The following CCDC191 variants were observed in gnomAD, a reference collection of about 807,000 sequenced individuals.
The protein encoded by CCDC191 is coiled-coil domain containing 191, also known as coiled-coil domain-containing protein 191.
Under a neutral mutation model 114.0 loss-of-function variants are expected in CCDC191, and 99 were observed. The observed-to-expected ratio is 0.87, with a 90% CI of 0.74 to 1.03. The LOEUF (loss-of-function observed/expected upper bound fraction) is 1.03. Ranked by LOEUF, CCDC191 falls within the 50% of genes least tolerant of loss-of-function variation. CCDC191 has a pLI of 0.00. For synonymous variants in CCDC191, 351 were observed against 376.0 expected (o/e 0.93, Z 0.77); for missense variants, 973 against 1,087.0 (o/e 0.90, Z 1.47).
chr3:113,998,030 G>A (rs2075767134), intron 13 of CCDC191, among the ~76,000 whole-genome samples: 1 of 151,892 alleles, frequency 6.6e-6, no homozygotes, highest in African/African-American at 2.4e-5. Context: ...AGTTGGCTGG[G>A]CGTGGTGGCT....
intron 7 of CCDC191, among the ~76,000 whole-genome samples, 197 bp from the exon 8 acceptor site, chr3:114,019,065 G>A (rs1468479459): frequency 1.3e-5 from 2 of 152,172 alleles, no homozygotes; most frequent in Non-Finnish European, 2.9e-5. Flanking sequence ...TCATGCAAAT[G>A]AGGCATTCTC....
At chr3:113,982,277 C>A (rs2075182636) in intron 13 of CCDC191, among the ~76,000 whole-genome samples, 3 of 152,270 alleles carry the variant, frequency 2.0e-5, no homozygotes, top group African/African-American at 7.2e-5. Context: ...AACATGAGTT[C>A]TGCTTGAGTC....
intron 16 of CCDC191, among the ~76,000 whole-genome samples, chr3:113,972,465 T>A (rs1314417536): frequency 6.6e-6 from 1 of 152,172 alleles, no homozygotes; most frequent in Non-Finnish European, 1.5e-5. Context: ...GTTTTTTGAA[T>A]TTGTTGAGAG....
At chr3:114,023,485 A>G (rs1196874879) in intron 7 of CCDC191, among the ~76,000 whole-genome samples, 4 of 152,224 alleles carry the variant, frequency 2.6e-5, no homozygotes, top group Non-Finnish European at 4.4e-5. Flanking sequence ...CCAAAACAGC[A>G]TGGTACTGGT....
At chr3:113,998,119 C>T (rs549393255) in intron 13 of CCDC191, among the ~76,000 whole-genome samples, 85 of 151,698 alleles carry the variant, frequency 5.6e-4, no homozygotes, top group East Asian at 2.0e-4. Flanking sequence ...TAGCCTGACC[C>T]ACATAGAGAA....
At chr3:113,978,746 CT>C in intron 15 of CCDC191, 111 bp downstream of exon 15, 1 of 1,178,790 alleles carries the variant, frequency 8.5e-7, no homozygotes. Context: ...ATTGACTACT[CT>C]TTTGTTCTTG....
intron 6 of CCDC191, among the ~76,000 whole-genome samples, chr3:114,032,376 G>A (rs2076418602): frequency 6.6e-6 from 1 of 151,866 alleles, no homozygotes; most frequent in Middle Eastern, 3.4e-3. Flanking sequence ...CCTCTTTTTT[G>A]CCCACCTATC....
chr3:113,975,288 T>C (rs182828544), intron 16 of CCDC191, among the ~76,000 whole-genome samples: 14 of 152,332 alleles, frequency 9.2e-5, no homozygotes, highest in Admixed American at 7.8e-4. Context: ...TCTTTCTCGA[T>C]GTTATTGCAG....
At position 114,056,441 on chromosome 3, in the gene CCDC191, G is replaced by T. The variant is rs1164290692; in HGVS notation, c.26C>A (p.Ser9Tyr). 1 of 1,614,126 alleles carries T rather than the reference G, an allele frequency of 6.2e-7. No homozygotes were observed. The highest frequency in any genetic ancestry group is 8.5e-7 in the Non-Finnish European group (1 of 1,180,028). ...CAGCCCCATCCTTTTCTTTGAGAAG[G>T]ACCTTCCCTGAGGCGCCAGGAGCAT... Reference protein sequence around the residue: MLLAPQGRSFSKKRMGLNR... With the variant: MLLAPQGRYFSKKRMGLNR... The change falls in exon 1 of 17, where the codon TCC (serine) becomes TAC (tyrosine). Residue 9 changes from serine to tyrosine, a missense_variant. By Grantham distance (144) the Ser-to-Tyr change is moderately radical. Coordinates refer to ENST00000295878, the MANE Select transcript of CCDC191 (RefSeq NM_020817.2).
intron 1 of CCDC191, 75 bp downstream of exon 1, chr3:114,056,302 G>A (rs1056354825): frequency 1.8e-5 from 25 of 1,410,752 alleles, no homozygotes; most frequent in Admixed American, 1.7e-5. Context: ...AAGCACAGAC[G>A]GGCCGCGACT....
chr3:114,021,520 T>C (rs1045123369), intron 7 of CCDC191, among the ~76,000 whole-genome samples: 7 of 152,062 alleles, frequency 4.6e-5, no homozygotes, highest in Non-Finnish European at 1.5e-5. Context: ...GCAAACATTA[T>C]CCAGGTATAC....
intron 7 of CCDC191, among the ~76,000 whole-genome samples, chr3:114,019,241 TACCA>T (rs1459448522): frequency 6.6e-6 from 1 of 152,178 alleles, no homozygotes; most frequent in African/African-American, 2.4e-5. Flanking sequence ...GAGCTCAAAA[TACCA>T]ACCATTTAAT....
intron 13 of CCDC191, among the ~76,000 whole-genome samples, chr3:113,983,105 A>G (rs937267493): frequency 3.3e-5 from 5 of 152,108 alleles, no homozygotes; most frequent in African/African-American, 1.2e-4. Context: ...TCCAAATCAA[A>G]GAATCACTTA....
Position 113,965,087 on chromosome 3 carries a change from G to A in CCDC191, c.*68C>T. 1.2e-6 allele frequency: 1 copy of A among 846,964 alleles called. No homozygotes were observed. The highest frequency in any genetic ancestry group is 1.8e-6 in the Non-Finnish European group (1 of 542,608). The allele number at this position is 846,964 out of a possible 1,614,324, so 52.5% of individuals were successfully genotyped here. On this transcript the variant is annotated 3_prime_UTR_variant, in exon 17 of 17. Coordinates refer to ENST00000295878, the MANE Select transcript of CCDC191 (RefSeq NM_020817.2). Reference sequence around the variant, plus strand: ...ACCAGGTGTATGTATGTATGTGTGTGGGTGGGTGGAGATAACACACATACA... The same window carrying A: ...ACCAGGTGTATGTATGTATGTGTGTAGGTGGGTGGAGATAACACACATACA...
intron 7 of CCDC191, among the ~76,000 whole-genome samples, chr3:114,027,601 CAAAAAAAA>C (rs67548547): frequency 1.0e-4 from 6 of 60,124 alleles, no homozygotes; most frequent in African/African-American, 4.1e-4. Flanking sequence ...GACTCTGTCT[CAAAAAAAA>C]AAAAAAAAAA....
rs781325143 is a variant in CCDC191 at position 114,056,520 on chromosome 3, C to T, written c.-54G>A. The T allele has an allele frequency of 1.4e-5, 23 of 1,612,910 alleles. No homozygotes were observed. Among genetic ancestry groups the T allele is most frequent in the Non-Finnish European group, 1.9e-5 (23 of 1,180,018 alleles). ...AAAGCTGCAGCAACCGCCCTTCTGC[C>T]CGGGCTGCCTCCGGGTCACGCTGGG... On this transcript the variant is annotated 5_prime_UTR_variant, in exon 1 of 17. Transcript: ENST00000295878.
At chr3:114,022,228 A>G (rs1460189611) in intron 7 of CCDC191, among the ~76,000 whole-genome samples, 2 of 152,132 alleles carry the variant, frequency 1.3e-5, no homozygotes, top group African/African-American at 2.4e-5. Context: ...CCTGCACTGG[A>G]GTTGCCCTCG....
Position 113,980,765 on chromosome 3 carries a change from T to TTAA in CCDC191, c.2189_2191dup (p.Ile730dup). On this transcript the variant is annotated inframe_insertion, in exon 14 of 17. Coordinates refer to ENST00000295878, the MANE Select transcript of CCDC191 (RefSeq NM_020817.2). The stretch of plus-strand genomic sequence containing the variant: ...TATTGCTTCCAGCTGCTGGTTCCTC[T>TTAA]TAATTCTCTTCTGCTTCTCAAGTTC... 1 of 1,608,638 alleles carries TTAA rather than the reference T, an allele frequency of 6.2e-7. No homozygotes were observed. The highest frequency in any genetic ancestry group is 8.5e-7 in the Non-Finnish European group (1 of 1,178,580).
intron 6 of CCDC191, among the ~76,000 whole-genome samples, chr3:114,033,892 G>A (rs79346162): frequency 6.6e-6 from 1 of 152,166 alleles, no homozygotes; most frequent in African/African-American, 2.4e-5. Context: ...AAGAGCACAG[G>A]GGGGAAAGCT....
Sources: allele counts gnomAD v4.1 joint callset (sites outside exome capture counted in the v4.1 genomes callset), GRCh38; gene constraint gnomAD v4.1.1; transcripts MANE v1.5; gene names NCBI Gene and HGNC (gene_info 2026-07-23, HGNC 2026-07-21).